Variants in RTL9 observed in about 807,000 individuals in gnomAD.
The protein encoded by RTL9 is retrotransposon Gag like 9.
RTL9 carries 19 observed loss-of-function variants against 44.7 expected under a neutral mutation model. The observed-to-expected ratio is 0.42, with a 90% confidence interval of 0.30 to 0.62. The LOEUF is 0.62. Ranked by LOEUF, RTL9 falls within the 20% of genes least tolerant of loss-of-function variation. The pLI is 0.16. For missense variants in RTL9, 1,105 were observed against 1,080.6 expected, an observed-to-expected ratio of 1.02 and a Z score of -0.32; for synonymous variants, 407 against 398.9, an observed-to-expected ratio of 1.02 and a Z score of -0.24.
rs747675104 is a variant in RTL9 at position 110,394,641 on chromosome X, C to T, written c.-168+35725C>T. On this transcript the variant is annotated intron_variant, in intron 1 of 2. Transcript: ENST00000520821. Reference sequence around the variant, plus strand: ...GTCAAGGACGTTCAGTGAGGACTTACTGTACTCAGAGACAGCAGAGAGCAA... The same window carrying T: ...GTCAAGGACGTTCAGTGAGGACTTATTGTACTCAGAGACAGCAGAGAGCAA... Among the ~76,000 whole-genome samples, 11 of 112,946 alleles carry T rather than the reference C, an allele frequency of 9.7e-5. No homozygotes were observed. The South Asian group carries it at 3.2e-3, about 33-fold the overall frequency.
chrX:110,394,280 C>T (rs1405316877), intron 1 of RTL9, among the ~76,000 whole-genome samples: 1 of 111,783 alleles, frequency 8.9e-6, no homozygotes, highest in African/African-American at 3.3e-5. Flanking sequence ...GACAGGGTCT[C>T]ACTCCTCTCG....
At chrX:110,430,938 G>A (rs2068791833) in intron 1 of RTL9, among the ~76,000 whole-genome samples, 1 of 111,778 alleles carries the variant, frequency 8.9e-6, no homozygotes, top group Non-Finnish European at 1.9e-5. Context: ...TGGTTATAAT[G>A]ACACCTTGCA....
At chrX:110,375,741 G>T (rs1216883022) in intron 1 of RTL9, among the ~76,000 whole-genome samples, 5 of 112,068 alleles carry the variant, frequency 4.5e-5, no homozygotes. Flanking sequence ...AATGCTATTT[G>T]TAGTACTTTA....
intron 1 of RTL9, among the ~76,000 whole-genome samples, chrX:110,379,749 C>G (rs1416254754): frequency 8.9e-6 from 1 of 111,976 alleles, no homozygotes; most frequent in South Asian, 3.8e-4. Flanking sequence ...TTTAGACAGA[C>G]TTCCCAATAC....
rs5942922 is a variant in RTL9, at chrX:110,426,440, C to T, written c.-168+7305C>T. On this transcript the variant is annotated intron_variant, in intron 1 of 3. Transcript: ENST00000465301. Reference sequence around the variant, plus strand: ...ACTTACAAATAGTCATGACCAGTGACGCACTGGAAAACTGCTCATTTTTAG... The same window carrying T: ...ACTTACAAATAGTCATGACCAGTGATGCACTGGAAAACTGCTCATTTTTAG... Among the ~76,000 whole-genome samples, 662 of 111,655 alleles carry T rather than the reference C, an allele frequency of 5.9e-3. 4 individuals carry two copies. Among genetic ancestry groups the T allele is most frequent in the South Asian group, 0.02 (52 of 2,627 alleles).
chrX:110,442,247 C>CTCTCTCTCTGTGTG (rs1556214261), intron 1 of RTL9, among the ~76,000 whole-genome samples: 2 of 97,036 alleles, frequency 2.1e-5, no homozygotes, highest in Admixed American at 1.1e-4. Context: ...CTCTCTCTCT[C>CTCTCTCTCTGTGTG]TGTGTGTGTG....
intron 1 of RTL9, among the ~76,000 whole-genome samples, chrX:110,403,739 G>A (rs1436309082): frequency 8.9e-6 from 1 of 112,114 alleles, no homozygotes; most frequent in Admixed American, 9.4e-5. Context: ...CTGACATGAG[G>A]TTATTTATAG....
intron 1 of RTL9, among the ~76,000 whole-genome samples, chrX:110,443,309 G>T (rs1354500911): frequency 9.0e-6 from 1 of 111,190 alleles, no homozygotes; most frequent in African/African-American, 3.3e-5. Flanking sequence ...TGGGTTAAAT[G>T]CAGGTTCCTT....
chrX:110,388,669 C>A lies in RTL9; in HGVS notation c.-168+29753C>A, dbSNP rs776514791. Among the ~76,000 whole-genome samples the A allele has an allele frequency of 4.4e-5, 5 of 112,472 alleles. No individual in the cohort carries two copies. The South Asian group carries it at 1.9e-3, about 42-fold the overall frequency. On this transcript the variant is annotated intron_variant, in intron 1 of 2. Coordinates refer to the RTL9 transcript ENST00000520821. ...TTAAAACACAGATTGCTATATCCCACCCCTGAGTTTCTGGTTCAGTAGGTC... is the reference window on the plus strand; with the variant it reads ...TTAAAACACAGATTGCTATATCCCAACCCTGAGTTTCTGGTTCAGTAGGTC...
intron 1 of RTL9, among the ~76,000 whole-genome samples, chrX:110,399,004 G>A (rs1190568941): frequency 1.8e-5 from 2 of 111,945 alleles, no homozygotes; most frequent in African/African-American, 6.5e-5. Context: ...GAGAGTGGTG[G>A]AACTCATGTT....
At position 110,387,962 on chromosome X, in the gene RTL9, C is replaced by T. The variant is rs770975242; in HGVS notation, c.-168+29046C>T. Among the ~76,000 whole-genome samples, 21 of 106,574 alleles carry T rather than the reference C, an allele frequency of 2.0e-4. No individual in the cohort carries two copies. In the South Asian group the frequency reaches 8.7e-3, roughly 44 times the overall value. 92.5% of individuals were successfully genotyped at this position (106,574 alleles called of 115,157 possible). On this transcript the variant is annotated intron_variant, in intron 1 of 2. Coordinates refer to the RTL9 transcript ENST00000520821. ...CTGCAAGCTCCGCCTCCCGGGTTCACGCCATTCTCCTGCCTCAGCCTCCCA... is the reference window on the plus strand; with the variant it reads ...CTGCAAGCTCCGCCTCCCGGGTTCATGCCATTCTCCTGCCTCAGCCTCCCA...
chrX:110,399,462 C>T (rs914815283), intron 1 of RTL9, among the ~76,000 whole-genome samples: 1 of 112,268 alleles, frequency 8.9e-6, no homozygotes, highest in Non-Finnish European at 1.9e-5. Context: ...GGTCCCACTG[C>T]TTTGATTAAG....
chrX:110,359,561 A>G (rs999788811), intron 1 of RTL9, among the ~76,000 whole-genome samples: 2 of 111,571 alleles, frequency 1.8e-5, no homozygotes, highest in Non-Finnish European at 3.8e-5. Context: ...TAGAATCCAG[A>G]TTCTCTGATT....
intron 1 of RTL9, among the ~76,000 whole-genome samples, chrX:110,406,914 T>A (rs1002030784): frequency 8.9e-6 from 1 of 112,080 alleles, no homozygotes; most frequent in East Asian, 2.8e-4. Flanking sequence ...GGTTAGAACC[T>A]TCAAGATGTC....
chrX:110,413,563 GTCT>G (rs1460678452), intron 1 of RTL9, among the ~76,000 whole-genome samples: 1 of 88,232 alleles, frequency 1.1e-5, no homozygotes, highest in Admixed American at 1.5e-4. Context: ...CTGGCTCATT[GTCT>G]TCTTCTCCAC....
chrX:110,450,099 A>G (rs888451189), upstream of RTL9, among the ~76,000 whole-genome samples: 2 of 111,710 alleles, frequency 1.8e-5, no homozygotes, highest in Non-Finnish European at 3.8e-5. Flanking sequence ...GAGTAGTAAA[A>G]TGAGGATTAA....
chrX:110,388,935 A>G (rs1249058481), intron 1 of RTL9, among the ~76,000 whole-genome samples: 1 of 112,543 alleles, frequency 8.9e-6, no homozygotes, highest in Non-Finnish European at 1.9e-5. Flanking sequence ...GTCAGATTCC[A>G]GTACCAGGGG....
chrX:110,382,362 A>C (rs1375511581), intron 1 of RTL9, among the ~76,000 whole-genome samples: 1 of 111,344 alleles, frequency 9.0e-6, no homozygotes, highest in Non-Finnish European at 1.9e-5. Flanking sequence ...ACCACCACCA[A>C]CAATAAGAAA....
Position 110,451,710 on chromosome X carries a change from C to A in RTL9, c.1093C>A (p.Pro365Thr), listed in dbSNP as rs762262287. 7 of 1,209,240 alleles carry A rather than the reference C, an allele frequency of 5.8e-6. No homozygotes were observed. The African/African-American group carries it at 1.1e-4, about 18-fold the overall frequency. Residue 365 changes from proline to threonine, a missense_variant, in exon 1 of 2, where the codon CCA becomes ACA. Pro to Thr is a conservative substitution (Grantham distance 38). Coordinates refer to ENST00000540313, the Ensembl canonical transcript of RTL9. ...TGGAGTGATGCCCACCCAAACGATG[C>A]CAGCCCCAGGCTCTGGGGCGATGTC...
Sources: gnomAD v4.1 joint callset for allele counts (sites outside exome capture counted in the v4.1 genomes callset) on GRCh38, gnomAD v4.1.1 for gene constraint, MANE v1.5 for transcripts, NCBI Gene and HGNC (gene_info 2026-07-23, HGNC 2026-07-21) for gene names.